Variants in TMEM117 observed in about 807,000 individuals in gnomAD.
The protein encoded by TMEM117 is transmembrane protein 117.
TMEM117 carries 27 observed loss-of-function variants against 52.4 expected under a neutral mutation model. The ratio of observed to expected loss-of-function variants is 0.51; its 90% CI spans 0.38 to 0.71. TMEM117 has a LOEUF of 0.71. Ranked by LOEUF, TMEM117 falls within the 30% of genes least tolerant of loss-of-function variation. The probability of loss-of-function intolerance (pLI) is 0.00; values close to 1 mark genes in which losing one functional copy is unlikely to be tolerated. For missense variants in TMEM117, 556 were observed against 630.5 expected (o/e 0.88, Z 1.26); for synonymous variants, 215 against 206.3 (o/e 1.04, Z -0.36).
At chr12:44,057,203 C>G (rs1288270289) in intron 3 of TMEM117, among the ~76,000 whole-genome samples, 6 of 152,094 alleles carry the variant, frequency 3.9e-5, no homozygotes, top group Non-Finnish European at 7.4e-5. Flanking sequence ...CTAAATTGCC[C>G]AGTTGCTAAG....
intron 2 of TMEM117, among the ~76,000 whole-genome samples, chr12:43,912,413 G>A (rs1944522411): frequency 6.6e-6 from 1 of 151,104 alleles, no homozygotes; most frequent in African/African-American, 2.5e-5. Flanking sequence ...CGAGTTAGTG[G>A]GTGCAGTGCA....
chr12:43,854,235 T>G (rs1210091390), intron 2 of TMEM117, among the ~76,000 whole-genome samples: 1 of 152,136 alleles, frequency 6.6e-6, no homozygotes, highest in Non-Finnish European at 1.5e-5. Flanking sequence ...AAAACAGAAG[T>G]AAGAAGTTAT....
chr12:44,036,295 C>T (rs914712653), intron 3 of TMEM117, among the ~76,000 whole-genome samples: 3 of 152,162 alleles, frequency 2.0e-5, no homozygotes, highest in African/African-American at 4.8e-5. Flanking sequence ...CAGTTTTCTA[C>T]CTACCACTCA....
At chr12:44,118,079 G>T (rs987285718) in intron 3 of TMEM117, among the ~76,000 whole-genome samples, 1 of 151,304 alleles carries the variant, frequency 6.6e-6, no homozygotes, top group African/African-American at 2.4e-5. Context: ...GAAGGAAATT[G>T]GGGCAGTTGT....
At chr12:43,801,483 T>G in the TMEM117 span, among the ~76,000 whole-genome samples, 18 of 152,318 alleles carry the variant, frequency 1.2e-4, no homozygotes, top group Non-Finnish European at 5.9e-5. Context: ...TTCAAATTAA[T>G]TTTTTAAATA....
At chr12:44,219,156 C>T (rs1395004070) in intron 5 of TMEM117, among the ~76,000 whole-genome samples, 4 of 152,122 alleles carry the variant, frequency 2.6e-5, no homozygotes, top group Admixed American at 6.6e-5. Context: ...TTCTATTACC[C>T]TTTTATTATT....
intron 4 of TMEM117, among the ~76,000 whole-genome samples, chr12:44,189,960 G>T (rs989913949): frequency 6.6e-6 from 1 of 152,148 alleles, no homozygotes; most frequent in African/African-American, 2.4e-5. Context: ...TTGACAGAAG[G>T]TTCACAGGCC....
intron 3 of TMEM117, among the ~76,000 whole-genome samples, chr12:44,118,526 C>T (rs1791912407): frequency 6.6e-6 from 1 of 152,074 alleles, no homozygotes; most frequent in South Asian, 2.1e-4. Flanking sequence ...AGAGATATAG[C>T]AAAGCAAGGG....
chr12:44,032,816 G>T (rs1482031382), intron 3 of TMEM117, among the ~76,000 whole-genome samples: 1 of 152,048 alleles, frequency 6.6e-6, no homozygotes, highest in Non-Finnish European at 1.5e-5. Context: ...GAATATCATT[G>T]CCCCTATTCA....
At chr12:44,353,558 T>C (rs1338802846) in intron 6 of TMEM117, among the ~76,000 whole-genome samples, 2 of 152,170 alleles carry the variant, frequency 1.3e-5, no homozygotes, top group Non-Finnish European at 2.9e-5. Flanking sequence ...TAGGGAATCC[T>C]TTCCCCATTG....
At chr12:44,187,592 C>A (rs2138333664) in intron 4 of TMEM117, among the ~76,000 whole-genome samples, 1 of 152,216 alleles carries the variant, frequency 6.6e-6, no homozygotes, top group Non-Finnish European at 1.5e-5. Flanking sequence ...AGGAATTTCA[C>A]AGTCTAATGG....
chr12:43,799,573 A>C, the TMEM117 span: 1 of 751,026 alleles, frequency 1.3e-6, no homozygotes, highest in South Asian at 2.5e-5. Flanking sequence ...ACTTTAGGAA[A>C]AACAAAATCA....
intron 4 of TMEM117, among the ~76,000 whole-genome samples, chr12:44,185,410 A>G (rs1171392402): frequency 6.6e-6 from 1 of 152,162 alleles, no homozygotes; most frequent in African/African-American, 2.4e-5. Flanking sequence ...TTGTCCTCTA[A>G]GTTATATTTC....
chr12:44,374,977 T>C (rs1951921090), intron 6 of TMEM117, among the ~76,000 whole-genome samples: 1 of 152,076 alleles, frequency 6.6e-6, no homozygotes, highest in Non-Finnish European at 1.5e-5. Context: ...TTTTCATGAG[T>C]TATATTTTAG....
intron 3 of TMEM117, among the ~76,000 whole-genome samples, chr12:44,004,877 C>T (rs549214243): frequency 1.5e-4 from 23 of 152,210 alleles, no homozygotes; most frequent in African/African-American, 5.5e-4. Flanking sequence ...GGAGCACCTC[C>T]AGAAAGAAAT....
At chr12:43,997,691 G>T (rs191124312) in intron 3 of TMEM117, among the ~76,000 whole-genome samples, 1 of 152,040 alleles carries the variant, frequency 6.6e-6, no homozygotes. Context: ...CATGGGCCTC[G>T]CATGAATTAG....
At chr12:44,205,616 C>T (rs1266688196) in intron 4 of TMEM117, among the ~76,000 whole-genome samples, 4 of 152,094 alleles carry the variant, frequency 2.6e-5, no homozygotes, top group African/African-American at 9.7e-5. Context: ...TGAACAGACA[C>T]TTATCAAAGG....
intron 6 of TMEM117, among the ~76,000 whole-genome samples, chr12:44,347,074 T>TAC (rs143874387): frequency 0.077 from 11,530 of 150,368 alleles, 482 homozygotes; most frequent in Middle Eastern, 0.19. Flanking sequence ...AATCTGCCTT[T>TAC]ACACACACAC....
chr12:43,817,763 G>A, the TMEM117 span, among the ~76,000 whole-genome samples: 1 of 152,096 alleles, frequency 6.6e-6, no homozygotes, highest in African/African-American at 2.4e-5. Flanking sequence ...GCTCAGGATT[G>A]GACTATGAAT....
Sources: allele counts gnomAD v4.1 joint callset (sites outside exome capture counted in the v4.1 genomes callset), GRCh38; gene constraint gnomAD v4.1.1; transcripts MANE v1.5; gene names NCBI Gene and HGNC (gene_info 2026-07-23, HGNC 2026-07-21).